GRIN2B: variants seen among roughly 807,000 people sequenced by gnomAD.
GRIN2B encodes the protein glutamate receptor ionotropic, NMDA 2B.
A neutral mutation model predicts 114.5 loss-of-function variants in GRIN2B; 5 were observed. The ratio of observed to expected loss-of-function variants is 0.04; its 90% CI spans 0.02 to 0.09. The LOEUF (loss-of-function observed/expected upper bound fraction) is 0.09. Among genes scored for constraint, GRIN2B ranks in the 10% least tolerant of loss-of-function variants. The pLI is 1.00. For missense variants in GRIN2B, 1,108 were observed against 1,943.5 expected, an observed-to-expected ratio of 0.57 and a Z score of 8.08; for synonymous variants, 787 against 745.1, an observed-to-expected ratio of 1.06 and a Z score of -0.92.
chr12:13,949,089 T>C (rs957222989), intron 2 of GRIN2B, among the ~76,000 whole-genome samples: 2 of 152,154 alleles, frequency 1.3e-5, no homozygotes, highest in African/African-American at 4.8e-5. Flanking sequence ...ATCTGTGTGG[T>C]TGCCGGACTT....
intron 3 of GRIN2B, among the ~76,000 whole-genome samples, chr12:13,848,653 C>T (rs1283337938): frequency 2.0e-5 from 3 of 152,144 alleles, no homozygotes; most frequent in African/African-American, 7.2e-5. Context: ...CAAAAAAACC[C>T]TTTTCAAGCC....
At chr12:13,873,613 C>A (rs1182280603) in intron 2 of GRIN2B, among the ~76,000 whole-genome samples, 1 of 152,188 alleles carries the variant, frequency 6.6e-6, no homozygotes, top group Non-Finnish European at 1.5e-5. Flanking sequence ...AGCTCCCTTG[C>A]CCTGCTCTTT....
At chr12:13,608,542 T>A (rs1949318675) in intron 10 of GRIN2B, 61 bp downstream of exon 10, 1 of 1,272,022 alleles carries the variant, frequency 7.9e-7, no homozygotes, top group Non-Finnish European at 1.1e-6. Context: ...ACATGAGAAC[T>A]TTGAGTATGG....
At chr12:13,710,666 T>A (rs1048162864) in intron 4 of GRIN2B, among the ~76,000 whole-genome samples, 19 of 151,990 alleles carry the variant, frequency 1.3e-4, no homozygotes, top group African/African-American at 4.6e-4. Flanking sequence ...GGAATCCAAC[T>A]TACAAGGGAC....
intron 5 of GRIN2B, among the ~76,000 whole-genome samples, chr12:13,623,833 A>C (rs999543974): frequency 6.6e-6 from 1 of 152,170 alleles, no homozygotes; most frequent in South Asian, 2.1e-4. Flanking sequence ...TTGGTTTCCT[A>C]CCTAACTTGT....
At chr12:13,981,161 CA>C (rs60755034) in intron 1 of GRIN2B, among the ~76,000 whole-genome samples, 180 bp downstream of exon 1, 257 of 147,174 alleles carry the variant, frequency 1.7e-3, no homozygotes, top group Middle Eastern at 3.5e-3. Flanking sequence ...CCCTCCCCCA[CA>C]AAAAAAAAAA....
At chr12:13,707,496 T>C (rs746112126) in intron 4 of GRIN2B, among the ~76,000 whole-genome samples, 27 of 152,154 alleles carry the variant, frequency 1.8e-4, no homozygotes, top group Non-Finnish European at 3.7e-4. Context: ...TTTATGTAGT[T>C]TCCAAAAGAT....
At chr12:13,600,594 T>C (rs1456540403) in intron 10 of GRIN2B, among the ~76,000 whole-genome samples, 1 of 152,124 alleles carries the variant, frequency 6.6e-6, no homozygotes, top group Non-Finnish European at 1.5e-5. Context: ...AGAAAAGAGT[T>C]CCCTGTGCCT....
Position 13,659,943 on chromosome 12 carries a change from G to A in GRIN2B, c.1125+15802C>T, listed in dbSNP as rs146172999. On this transcript the variant is annotated intron_variant, in intron 5 of 13. Transcript: ENST00000609686. ...TTTCTGTCGGTCAGCTTCCAGACAC[G>A]CTTTAGCTGGGTCCTGTGGCTCAGG... Among the ~76,000 whole-genome samples the A allele has an allele frequency of 2.5e-3, 379 of 152,266 alleles. 8 individuals carry two copies. The East Asian group carries it at 0.055, about 22-fold the overall frequency.
At chr12:13,767,361 A>G (rs1439055601) in intron 3 of GRIN2B, among the ~76,000 whole-genome samples, 1 of 152,150 alleles carries the variant, frequency 6.6e-6, no homozygotes, top group Non-Finnish European at 1.5e-5. Flanking sequence ...GTAGATGACT[A>G]CCTAAATGCT....
intron 4 of GRIN2B, among the ~76,000 whole-genome samples, chr12:13,723,489 A>C (rs1437352191): frequency 1.3e-5 from 2 of 151,968 alleles, no homozygotes; most frequent in East Asian, 1.9e-4. Flanking sequence ...TTAAAAAAAA[A>C]AAAACACTTG....
intron 10 of GRIN2B, among the ~76,000 whole-genome samples, chr12:13,588,611 G>A (rs1337071545): frequency 6.6e-6 from 1 of 152,212 alleles, no homozygotes. Flanking sequence ...ACTAGAACTA[G>A]AAGGGACAGG....
intron 3 of GRIN2B, among the ~76,000 whole-genome samples, chr12:13,805,543 C>T (rs1033778091): frequency 6.6e-6 from 1 of 151,988 alleles, no homozygotes; most frequent in African/African-American, 2.4e-5. Flanking sequence ...AGCTGGCAGG[C>T]TATTATTATT....
intron 3 of GRIN2B, among the ~76,000 whole-genome samples, chr12:13,834,652 T>C (rs1162843672): frequency 7.2e-5 from 11 of 152,296 alleles, no homozygotes; most frequent in Middle Eastern, 3.4e-3. Context: ...CAGGTGAATA[T>C]GCAGGGAACA....
At chr12:13,823,431 A>T (rs11610756) in intron 3 of GRIN2B, among the ~76,000 whole-genome samples, 30,362 of 151,914 alleles carry the variant, frequency 0.2, 3,302 homozygotes, top group Non-Finnish European at 0.23. Context: ...GCTACTATAA[A>T]TAGTATTTTA....
At chr12:13,979,793 T>C (rs1035108439) in intron 2 of GRIN2B, 135 bp downstream of exon 2, 6 of 152,178 alleles carry the variant, frequency 3.9e-5, no homozygotes, top group African/African-American at 1.4e-4. Flanking sequence ...ATAAGCCTTT[T>C]TTCCCAAAAC....
chr12:13,688,750 G>C (rs1950190714), intron 4 of GRIN2B, among the ~76,000 whole-genome samples: 1 of 152,186 alleles, frequency 6.6e-6, no homozygotes, highest in South Asian at 2.1e-4. Flanking sequence ...CTTTGGCACA[G>C]AATATCCAAA....
At chr12:13,879,666 T>C (rs1026011173) in intron 2 of GRIN2B, among the ~76,000 whole-genome samples, 1 of 152,202 alleles carries the variant, frequency 6.6e-6, no homozygotes, top group African/African-American at 2.4e-5. Context: ...CCTGCTAGAA[T>C]AGCACATATA....
chr12:13,771,906 G>T (rs1482897524), intron 3 of GRIN2B, among the ~76,000 whole-genome samples: 5 of 152,236 alleles, frequency 3.3e-5, no homozygotes, highest in African/African-American at 1.2e-4. Context: ...AGAACAGCAT[G>T]GGCTCCTGAG....
Sources: gnomAD v4.1 joint callset for allele counts (sites outside exome capture counted in the v4.1 genomes callset) on GRCh38, gnomAD v4.1.1 for gene constraint, MANE v1.5 for transcripts, NCBI Gene and HGNC (gene_info 2026-07-23, HGNC 2026-07-21) for gene names.